The following FRYL variants were observed in gnomAD, a reference collection of about 807,000 sequenced individuals.
FRYL encodes FRY like transcription coactivator, also known as protein furry homolog-like.
FRYL carries 150 observed loss-of-function variants against 351.2 expected under a neutral mutation model. The observed-to-expected ratio is 0.43, with a 90% CI of 0.37 to 0.49. The LOEUF is 0.49. FRYL is among the 20% of genes least tolerant of loss of function. The pLI, the probability that FRYL is intolerant of heterozygous loss-of-function variation, is 0.00. For synonymous variants in FRYL, 1,153 were observed against 1,257.1 expected (o/e 0.92, Z 1.75); for missense variants, 3,036 against 3,619.3 (o/e 0.84, Z 4.13).
chr4:48,652,931 A>C (rs1758023768), intron 3 of FRYL, among the ~76,000 whole-genome samples: 1 of 152,194 alleles, frequency 6.6e-6, no homozygotes, highest in Non-Finnish European at 1.5e-5. Flanking sequence ...ATTTTCTTTG[A>C]CCAAAACAAA....
intron 3 of FRYL, among the ~76,000 whole-genome samples, chr4:48,671,858 C>CAAACAAAAAA (rs1762752462): frequency 4.5e-5 from 1 of 22,400 alleles, no homozygotes; most frequent in Non-Finnish European, 8.9e-5. Context: ...GTCTCAAAAA[C>CAAACAAAAAA]AAAAAAAAAA....
chr4:48,671,370 A>C, intron 3 of FRYL, among the ~76,000 whole-genome samples: 1 of 152,154 alleles, frequency 6.6e-6, no homozygotes. Flanking sequence ...CATTATGAAC[A>C]AAAAAGGAAA....
chr4:48,588,573 A>G (rs1306274060), intron 18 of FRYL, among the ~76,000 whole-genome samples: 2 of 152,160 alleles, frequency 1.3e-5, no homozygotes, highest in African/African-American at 4.8e-5. Context: ...GCACAGCATG[A>G]TCTCCTGAAC....
chr4:48,552,117 T>G lies in FRYL; in HGVS notation c.4436-539A>C, dbSNP rs369654637. The stretch of plus-strand genomic sequence containing the variant: ...AGGCACCTTACAAAGAACAGGGGCA[T>G]TAAATGAAAATGCACATGCTAAAAT... On this transcript the variant is annotated intron_variant, in intron 36 of 63. Coordinates refer to ENST00000358350, the MANE Select transcript of FRYL (RefSeq NM_015030.2). Among the ~76,000 whole-genome samples the G allele has an allele frequency of 1.5e-4, 23 of 152,266 alleles. 1 individual carries two copies. In the South Asian group the frequency reaches 4.1e-3, roughly 27 times the overall value.
At chr4:48,555,547 G>A (rs1733887330) in intron 35 of FRYL, among the ~76,000 whole-genome samples, 1 of 152,214 alleles carries the variant, frequency 6.6e-6, no homozygotes, top group Admixed American at 6.5e-5. Context: ...CCTGAAAGAG[G>A]TGAGGAGTGA....
At chr4:48,675,400 G>C (rs968762973) in intron 3 of FRYL, among the ~76,000 whole-genome samples, 1 of 152,246 alleles carries the variant, frequency 6.6e-6, no homozygotes, top group South Asian at 2.1e-4. Context: ...CTGGAGTTCC[G>C]GGTGGGCGTG....
intron 59 of FRYL, 54 bp from the exon 60 acceptor site, chr4:48,505,669 C>A: frequency 1.8e-6 from 2 of 1,109,570 alleles, no homozygotes; most frequent in Non-Finnish European, 1.4e-6. Flanking sequence ...GGTAGTGTAA[C>A]AGCCTGTCCA....
At chr4:48,722,335 T>C (rs1414654980) in intron 1 of FRYL, among the ~76,000 whole-genome samples, 1 of 152,236 alleles carries the variant, frequency 6.6e-6, no homozygotes, top group Non-Finnish European at 1.5e-5. Context: ...AGAATAAAAG[T>C]GAATATTCCT....
chr4:48,756,009 G>T (rs538206417), intron 1 of FRYL, among the ~76,000 whole-genome samples: 17 of 151,336 alleles, frequency 1.1e-4, no homozygotes, highest in Non-Finnish European at 2.5e-4. Context: ...CGAGGGAAGA[G>T]AACTGCTTGA....
In FRYL at chr4:48,634,375, A is replaced by G. The variant is rs1273305499; in HGVS notation, c.36T>C (p.Pro12=). ...AGAGGCTCTTGATGACATATTCACC[A>G]GGTTTGACATCTGGGTCAATCGTAA... ...SNITIDPDVK[P]GEYVIKSLFA... The change falls in exon 4 of 64, where the codon CCT becomes CCC. Residue 12 remains proline, a synonymous_variant. Transcript: ENST00000358350. 1 of 1,613,438 alleles carries G rather than the reference A, an allele frequency of 6.2e-7. No homozygotes were observed. The highest frequency in any genetic ancestry group is 8.5e-7 in the Non-Finnish European group (1 of 1,179,564).
chr4:48,505,421 C>T (rs760979062), intron 60 of FRYL, 126 bp downstream of exon 60: 3 of 627,574 alleles, frequency 4.8e-6, no homozygotes, highest in Admixed American at 5.0e-5. Flanking sequence ...GTTTTGATAA[C>T]CAAAATGAAA....
In FRYL at chr4:48,540,341, T is replaced by C. The variant is rs1385370593; in HGVS notation, c.6295+12A>G. ...AAAATGCAAAGTGCTGGTGCAATTA[T>C]ATTAACATCACCTGACAATTGGGAA... is the stretch of plus-strand genomic sequence containing the variant. On this transcript the variant is annotated intron_variant, in intron 46 of 63. Transcript: ENST00000358350. 2 of 1,606,718 alleles carry C rather than the reference T, an allele frequency of 1.2e-6. No individual in the cohort carries two copies. The highest frequency in any genetic ancestry group is 1.1e-5 in the South Asian group (1 of 90,400).
chr4:48,674,316 T>A (rs1171642213), intron 3 of FRYL, among the ~76,000 whole-genome samples: 3 of 152,142 alleles, frequency 2.0e-5, no homozygotes, highest in African/African-American at 7.2e-5. Flanking sequence ...TATTTATCAG[T>A]GAAACCAGTC....
At chr4:48,622,672 A>G (rs1378859722) in intron 5 of FRYL, among the ~76,000 whole-genome samples, 1 of 152,186 alleles carries the variant, frequency 6.6e-6, no homozygotes, top group East Asian at 1.9e-4. Flanking sequence ...CATATATTTA[A>G]ATACTTATAA....
intron 1 of FRYL, among the ~76,000 whole-genome samples, chr4:48,715,379 G>A (rs926910201): frequency 9.9e-5 from 15 of 152,160 alleles, no homozygotes; most frequent in East Asian, 1.9e-4. Context: ...AAACCCCATC[G>A]TCTCAGCCCA....
At chr4:48,577,717 A>T (rs1739935303) in intron 23 of FRYL, among the ~76,000 whole-genome samples, 1 of 152,048 alleles carries the variant, frequency 6.6e-6, no homozygotes, top group African/African-American at 2.4e-5. Flanking sequence ...TTTATTTAAA[A>T]AGTAACATCC....
chr4:48,601,099 T>C (rs1238930181), intron 13 of FRYL, among the ~76,000 whole-genome samples: 1 of 152,024 alleles, frequency 6.6e-6, no homozygotes, highest in East Asian at 1.9e-4. Flanking sequence ...TGAAAGAAGA[T>C]CCAGTCCTAT....
chr4:48,657,359 T>TTC (rs1759445760), intron 3 of FRYL, among the ~76,000 whole-genome samples: 1 of 149,210 alleles, frequency 6.7e-6, no homozygotes, highest in Non-Finnish European at 1.5e-5. Context: ...TTTTCTTTTT[T>TTC]TTTTTTTTTT....
At chr4:48,693,147 C>G (rs1765826303) in intron 2 of FRYL, among the ~76,000 whole-genome samples, 1 of 152,172 alleles carries the variant, frequency 6.6e-6, no homozygotes, top group Admixed American at 6.5e-5. Context: ...ACCTTTTCTA[C>G]TATTTCTTGG....
Sources: allele counts gnomAD v4.1 joint callset (sites outside exome capture counted in the v4.1 genomes callset), GRCh38; gene constraint gnomAD v4.1.1; transcripts MANE v1.5; gene names NCBI Gene and HGNC (gene_info 2026-07-23, HGNC 2026-07-21).